The following VPS13C variants were observed in gnomAD, a reference collection of about 807,000 sequenced individuals.
VPS13C encodes intermembrane lipid transfer protein VPS13C.
A neutral mutation model predicts 456.8 loss-of-function variants in VPS13C; 358 were observed. That is an observed-to-expected ratio of 0.78 (90% confidence interval 0.72 to 0.86). The LOEUF (loss-of-function observed/expected upper bound fraction) is 0.86, where lower values mean the gene tolerates loss of function less well. Ranked by LOEUF, VPS13C falls within the 40% of genes least tolerant of loss-of-function variation. The pLI is 0.00. For synonymous variants in VPS13C, 1,578 were observed against 1,486.7 expected (o/e 1.06, Z -1.41); for missense variants, 4,818 against 4,385.4 (o/e 1.10, Z -2.79).
At chr15:61,916,780 T>C (rs1381166458) in intron 60 of VPS13C, among the ~76,000 whole-genome samples, 1 of 152,266 alleles carries the variant, frequency 6.6e-6, no homozygotes, top group Middle Eastern at 3.4e-3. Context: ...AGACAGACAG[T>C]AATTATTTTT....
chr15:61,939,649 G>A (rs931213670), intron 47 of VPS13C, among the ~76,000 whole-genome samples: 1 of 152,096 alleles, frequency 6.6e-6, no homozygotes, highest in Non-Finnish European at 1.5e-5. Context: ...CCTTCAACCA[G>A]TCTCACCTCC....
At chr15:61,865,525 A>AT (rs1443040684) in intron 81 of VPS13C, 1 of 939,084 alleles carries the variant, frequency 1.1e-6, no homozygotes, top group Non-Finnish European at 1.3e-6. Context: ...ATATACATAC[A>AT]TATAATGTAT....
chr15:62,050,941 A>C (rs907251193), intron 1 of VPS13C, among the ~76,000 whole-genome samples: 22 of 152,196 alleles, frequency 1.4e-4, no homozygotes, highest in Admixed American at 3.3e-4. Flanking sequence ...CGCAAAAAAA[A>C]AAAAGTAGAA....
chr15:62,003,193 A>C (rs991015460), intron 15 of VPS13C, among the ~76,000 whole-genome samples: 11 of 151,448 alleles, frequency 7.3e-5, no homozygotes, highest in Admixed American at 2.6e-4. Flanking sequence ...CTTTTATTTC[A>C]TTGAGCAGTG....
intron 3 of VPS13C, among the ~76,000 whole-genome samples, chr15:62,037,849 A>T (rs1322722954): frequency 2.0e-5 from 3 of 152,130 alleles, no homozygotes; most frequent in Non-Finnish European, 4.4e-5. Flanking sequence ...CACATGCCTA[A>T]AGATGCTTTC....
At chr15:61,893,177 T>C (rs2042702151) in intron 66 of VPS13C, among the ~76,000 whole-genome samples, 1 of 152,094 alleles carries the variant, frequency 6.6e-6, no homozygotes, top group African/African-American at 2.4e-5. Context: ...CCCTAAGGCA[T>C]ATAATAATCA....
intron 3 of VPS13C, among the ~76,000 whole-genome samples, chr15:62,037,645 C>A (rs968784059): frequency 6.6e-6 from 1 of 150,820 alleles, no homozygotes; most frequent in Non-Finnish European, 1.5e-5. Flanking sequence ...TCACCTTCAT[C>A]CTTGCATCTC....
intron 62 of VPS13C, among the ~76,000 whole-genome samples, 197 bp downstream of exon 62, chr15:61,913,114 T>A (rs1267557406): frequency 6.6e-6 from 1 of 150,934 alleles, no homozygotes; most frequent in East Asian, 1.9e-4. Flanking sequence ...ATTGTGGAAG[T>A]CAGTGTGGCG....
Position 61,978,709 on chromosome 15 carries a change from G to C in VPS13C, c.2207C>G (p.Ser736Ter). The change falls in exon 23 of 85, where the codon TCA becomes TGA. Residue 736 changes from serine to a stop codon, truncating the protein, a stop_gained. Coordinates refer to ENST00000644861, the MANE Select transcript of VPS13C (RefSeq NM_020821.3). LOFTEE classifies it high-confidence loss of function. ...KDQGLQKTTN[S>*]SLEEIMDKAY... is the part of the protein sequence containing the mutation. ...CTTATCCATTATTTCTTCCAGAGAT[G>C]AATTAGTAGTCTTCTGTAAACCTTG... 1 of 1,610,740 alleles carries C rather than the reference G, an allele frequency of 6.2e-7. No homozygotes were observed. Among genetic ancestry groups the C allele is most frequent in the Non-Finnish European group, 8.5e-7 (1 of 1,178,800 alleles).
intron 16 of VPS13C, among the ~76,000 whole-genome samples, chr15:61,994,683 G>A (rs1480876924): frequency 2.6e-5 from 4 of 151,428 alleles, no homozygotes; most frequent in East Asian, 1.9e-4. Context: ...TCCACCTCCC[G>A]GGTTCAAGCG....
At chr15:61,973,629 A>T in intron 25 of VPS13C, 97 bp from the exon 26 acceptor site, 1 of 842,384 alleles carries the variant, frequency 1.2e-6, no homozygotes. Flanking sequence ...GAGGATAAAG[A>T]GATATGGAAA....
At chr15:62,057,852 A>G (rs904582894) in intron 1 of VPS13C, among the ~76,000 whole-genome samples, 2 of 152,244 alleles carry the variant, frequency 1.3e-5, no homozygotes, top group African/African-American at 4.8e-5. Context: ...TGGTAAAACC[A>G]TTATCAGAAG....
At chr15:61,962,643 C>A in intron 33 of VPS13C, 105 bp from the exon 34 acceptor site, 1 of 1,318,288 alleles carries the variant, frequency 7.6e-7, no homozygotes, top group Non-Finnish European at 1.0e-6. Flanking sequence ...AAAAATTTTT[C>A]TATTGAAATA....
rs60910951 is a variant in VPS13C at position 61,914,878 on chromosome 15, T to TAAAAAAAAAAAAAA, written c.8445+741_8445+754dup. On this transcript the variant is annotated intron_variant, in intron 61 of 84. Coordinates refer to ENST00000644861, the MANE Select transcript of VPS13C (RefSeq NM_020821.3). The stretch of plus-strand genomic sequence containing the variant: ...ACCGAGCCTGGCCAAAACTCTGCCT[T>TAAAAAAAAAAAAAA]AAAAAAAAAAAAAAAAAAAAAAAAA... Among the ~76,000 whole-genome samples the TAAAAAAAAAAAAAA allele has an allele frequency of 5.7e-4, 58 of 102,050 alleles. 5 individuals carry two copies. The highest frequency in any genetic ancestry group is 1.7e-3 in the South Asian group (5 of 3,012). 66.9% of individuals were successfully genotyped at this position (102,050 alleles called of 152,430 possible).
intron 12 of VPS13C, among the ~76,000 whole-genome samples, chr15:62,011,430 A>AT (rs1218906562): frequency 2.0e-5 from 3 of 152,118 alleles, no homozygotes; most frequent in Non-Finnish European, 4.4e-5. Flanking sequence ...TCTATGTAAC[A>AT]TAAGTGCCAA....
Position 61,927,354 on chromosome 15 carries a change from T to G in VPS13C, c.6287-34A>C, listed in dbSNP as rs775644811. 10 of 1,567,664 alleles carry G rather than the reference T, an allele frequency of 6.4e-6. No homozygotes were observed. In the Admixed American group the frequency reaches 6.9e-5, roughly 11 times the overall value. ...ACAAGCAACAGGAACCAGAAAAGTT[T>G]AAGGTAAGTCTTTTCATTTGACTAC... On this transcript the variant is annotated intron_variant, in intron 51 of 84. Coordinates refer to ENST00000644861, the MANE Select transcript of VPS13C (RefSeq NM_020821.3).
In VPS13C at chr15:61,984,974, T is replaced by C. The variant is rs1196389117; in HGVS notation, c.1604A>G (p.Lys535Arg). Residue 535 changes from lysine (K) to arginine (R), a missense_variant, in exon 19 of 85, where the codon AAG (lysine) becomes AGG (arginine). Around this residue, in one of 3 missense-constraint regions of VPS13C, gnomAD observed 4,552 missense variants for 4,130.6 expected, o/e 1.10. Coordinates refer to ENST00000644861, the MANE Select transcript of VPS13C (RefSeq NM_020821.3). ...KQYVAHIMTL[K>R]LVSTSVTIRE... ...TATCGTAACAGAGGTGCTTACTAAC[T>C]TCAGGGTCATAATATGGGCAACATA... is the stretch of plus-strand genomic sequence containing the variant. 3 of 1,591,418 alleles carry C rather than the reference T, an allele frequency of 1.9e-6. No homozygotes were observed. Among genetic ancestry groups the C allele is most frequent in the South Asian group, 2.3e-5 (2 of 86,194 alleles).
At chr15:61,940,239 A>G (rs1190593749) in intron 47 of VPS13C, among the ~76,000 whole-genome samples, 2 of 152,166 alleles carry the variant, frequency 1.3e-5, no homozygotes, top group Non-Finnish European at 2.9e-5. Context: ...ATCACTTTGC[A>G]TTGTCTTACA....
intron 5 of VPS13C, among the ~76,000 whole-genome samples, chr15:62,031,512 T>C (rs2047819550): frequency 6.6e-6 from 1 of 152,012 alleles, no homozygotes; most frequent in African/African-American, 2.4e-5. Flanking sequence ...TATTCTTAAA[T>C]GTGTTTCTTA....
Sources: gnomAD v4.1 joint callset for allele counts (sites outside exome capture counted in the v4.1 genomes callset) on GRCh38, gnomAD v4.1.1 for gene constraint, gnomAD v4.1.1 regional missense constraint, MANE v1.5 for transcripts, NCBI Gene and HGNC (gene_info 2026-07-23, HGNC 2026-07-21) for gene names.